Variants in SORCS1 observed in about 807,000 individuals in gnomAD.
SORCS1 encodes VPS10 domain-containing receptor SorCS1.
A neutral mutation model predicts 146.1 loss-of-function variants in SORCS1; 60 were observed. The observed-to-expected ratio is 0.41, with a 90% confidence interval of 0.33 to 0.51. The LOEUF (loss-of-function observed/expected upper bound fraction) is 0.51, where lower values mean the gene tolerates loss of function less well. Among genes scored for constraint, SORCS1 ranks in the 20% least tolerant of loss-of-function variants. The pLI is 0.21. For missense variants in SORCS1, 1,352 were observed against 1,487.6 expected (o/e 0.91, Z 1.50); for synonymous variants, 637 against 584.0 (o/e 1.09, Z -1.31).
At chr10:106,716,549 G>C (rs553476286) in intron 6 of SORCS1, among the ~76,000 whole-genome samples, 1 of 152,162 alleles carries the variant, frequency 6.6e-6, no homozygotes, top group Non-Finnish European at 1.5e-5. Flanking sequence ...TCTGTGTCTT[G>C]AGGGCTTCTG....
intron 1 of SORCS1, among the ~76,000 whole-genome samples, chr10:107,076,418 G>A (rs1962886058): frequency 1.3e-5 from 2 of 151,982 alleles, no homozygotes; most frequent in African/African-American, 4.8e-5. Context: ...TTACAGCACT[G>A]GTATTTCTCA....
At chr10:106,579,269 A>G (rs1402671830) in intron 25 of SORCS1, 100 bp downstream of exon 25, 1 of 1,614,022 alleles carries the variant, frequency 6.2e-7, no homozygotes, top group South Asian at 1.1e-5. Flanking sequence ...ATTAATAGAA[A>G]CCATCACTGC....
At chr10:106,839,694 A>C (rs1435084081) in intron 2 of SORCS1, among the ~76,000 whole-genome samples, 1 of 152,248 alleles carries the variant, frequency 6.6e-6, no homozygotes, top group East Asian at 1.9e-4. Context: ...GCTAGAGAGA[A>C]GTAGCCAATG....
At chr10:106,771,850 A>G (rs2418819) in intron 4 of SORCS1, among the ~76,000 whole-genome samples, 70,100 of 151,956 alleles carry the variant, frequency 0.46, 16,438 homozygotes, top group African/African-American at 0.55. Flanking sequence ...TCTTTACTCG[A>G]TAAGTCTCAG....
chr10:106,607,913 T>C (rs1846718951), intron 22 of SORCS1, among the ~76,000 whole-genome samples: 5 of 152,180 alleles, frequency 3.3e-5, no homozygotes, highest in Admixed American at 2.0e-4. Flanking sequence ...TCAGACCTGA[T>C]GACCAGCCCT....
the SORCS1 span, among the ~76,000 whole-genome samples, chr10:107,180,665 T>A: frequency 1.3e-5 from 2 of 152,214 alleles, no homozygotes; most frequent in African/African-American, 4.8e-5. Flanking sequence ...TATTTATTCT[T>A]ACTTTGAGTT....
At chr10:106,606,828 G>A (rs1391198498) in intron 23 of SORCS1, among the ~76,000 whole-genome samples, 2 of 152,144 alleles carry the variant, frequency 1.3e-5, no homozygotes, top group African/African-American at 4.8e-5. Flanking sequence ...TTTATATGGG[G>A]CTTTCCCTGC....
At chr10:106,694,049 A>G (rs1284141436) in intron 9 of SORCS1, among the ~76,000 whole-genome samples, 1 of 152,164 alleles carries the variant, frequency 6.6e-6, no homozygotes, top group East Asian at 1.9e-4. Flanking sequence ...CATGGCCACA[A>G]TTTCTTTGGG....
chr10:106,920,746 G>A (rs1952672940), intron 2 of SORCS1, among the ~76,000 whole-genome samples: 1 of 152,184 alleles, frequency 6.6e-6, no homozygotes, highest in Admixed American at 6.5e-5. Flanking sequence ...TGGTGAAAGT[G>A]ACTCTTTTTC....
chr10:107,049,419 T>TA (rs1322945063), intron 1 of SORCS1, among the ~76,000 whole-genome samples: 16 of 151,626 alleles, frequency 1.1e-4, no homozygotes, highest in South Asian at 2.1e-4. Flanking sequence ...TAAGGTATAA[T>TA]AAAAAAAATA....
chr10:106,618,149 C>T lies in SORCS1; in HGVS notation c.2920G>A (p.Glu974Lys). ...LQDTKTIAVY[E>K]EFRSLRLSFS... is the part of the protein sequence containing the mutation. ...TAGATCCACTGAGATGGGCACTCAC[C>T]ATATACTGCGATGGTCTTTGTGTCT... Residue 974 changes from glutamate to lysine, a missense_variant and splice_region_variant, in exon 21 of 26, where the codon GAG (glutamate) becomes AAG (lysine). Physicochemically the swap from Glu to Lys is moderately conservative, Grantham distance 56. Coordinates refer to ENST00000263054, the MANE Select transcript of SORCS1 (RefSeq NM_052918.5). The T allele has an allele frequency of 6.2e-7, 1 of 1,613,976 alleles. No individual in the cohort carries two copies.
chr10:106,674,653 C>T (rs1439385001), intron 14 of SORCS1, among the ~76,000 whole-genome samples: 2 of 152,088 alleles, frequency 1.3e-5, no homozygotes, highest in Non-Finnish European at 2.9e-5. Flanking sequence ...ATATGCCTCA[C>T]AATTGGGTTA....
intron 3 of SORCS1, among the ~76,000 whole-genome samples, chr10:106,807,848 A>G (rs546757965): frequency 6.6e-6 from 1 of 152,328 alleles, no homozygotes; most frequent in Admixed American, 6.5e-5. Flanking sequence ...TGTTGTCTGC[A>G]ATGATTGCTG....
intron 2 of SORCS1, among the ~76,000 whole-genome samples, chr10:106,916,567 C>CATAT (rs201606214): frequency 8.1e-6 from 1 of 124,158 alleles, no homozygotes; most frequent in African/African-American, 3.1e-5. Context: ...TAATTGTGTG[C>CATAT]ATATATATAC....
At chr10:106,955,263 G>A (rs898221306) in intron 2 of SORCS1, among the ~76,000 whole-genome samples, 7 of 152,124 alleles carry the variant, frequency 4.6e-5, no homozygotes, top group Admixed American at 1.3e-4. Flanking sequence ...TTTTTAAGGC[G>A]CCACCGCATT....
rs774063527 is a variant in SORCS1 at position 107,118,959 on chromosome 10, A to G, written c.558+45010T>C. ...TGCCACAGTTGGTGGACTCTTTAAC[A>G]CTTGGGTCCCTGAGTGATAACTATG... is the stretch of plus-strand genomic sequence containing the variant. On this transcript the variant is annotated intron_variant, in intron 1 of 25. Coordinates refer to ENST00000263054, the MANE Select transcript of SORCS1 (RefSeq NM_052918.5). Among the ~76,000 whole-genome samples the G allele has an allele frequency of 4.6e-5, 7 of 152,114 alleles. No individual in the cohort carries two copies. The East Asian group carries it at 1.3e-3, about 29-fold the overall frequency.
In SORCS1 at chr10:106,749,946, T is replaced by A. The variant is rs1858027857; in HGVS notation, c.959+11642A>T. Among the ~76,000 whole-genome samples the A allele has an allele frequency of 2.6e-5, 4 of 152,180 alleles. No homozygotes were observed. In the South Asian group the frequency reaches 8.3e-4, roughly 31 times the overall value. ...CTTGAAAACAGGATTCTGGCAAAGG[T>A]ATTCTGACTCCAGAACTCCAATTTT... On this transcript the variant is annotated intron_variant, in intron 5 of 25. Coordinates refer to ENST00000263054, the MANE Select transcript of SORCS1 (RefSeq NM_052918.5).
intron 1 of SORCS1, among the ~76,000 whole-genome samples, chr10:106,969,681 A>G (rs1448016558): frequency 2.0e-5 from 3 of 152,254 alleles, no homozygotes; most frequent in Non-Finnish European, 2.9e-5. Context: ...CCTTAGAGAT[A>G]GACATACGTT....
At chr10:106,666,325 T>C (rs1851138229) in intron 17 of SORCS1, among the ~76,000 whole-genome samples, 2 of 152,192 alleles carry the variant, frequency 1.3e-5, no homozygotes, top group African/African-American at 4.8e-5. Flanking sequence ...ACTGGCCTCT[T>C]TTCCTGCCTT....
Sources: allele counts gnomAD v4.1 joint callset (sites outside exome capture counted in the v4.1 genomes callset), GRCh38; gene constraint gnomAD v4.1.1; transcripts MANE v1.5; gene names NCBI Gene and HGNC (gene_info 2026-07-23, HGNC 2026-07-21).